The following HDAC8 variants were observed in gnomAD, a reference collection of about 807,000 sequenced individuals.
HDAC8 encodes the protein histone deacetylase-like 1.
Under a neutral mutation model 32.2 loss-of-function variants are expected in HDAC8, and 1 was observed. The observed-to-expected ratio is 0.03, with a 90% confidence interval of 0.01 to 0.15. HDAC8 has a LOEUF of 0.15. Ranked by LOEUF, HDAC8 falls within the 10% of genes least tolerant of loss-of-function variation. HDAC8 has a pLI of 1.00. For missense variants in HDAC8, 117 were observed against 300.0 expected, an observed-to-expected ratio of 0.39 and a Z score of 4.51; for synonymous variants, 108 against 113.9, an observed-to-expected ratio of 0.95 and a Z score of 0.33.
At chrX:72,415,249 A>G (rs2046301372) in intron 9 of HDAC8, among the ~76,000 whole-genome samples, 2 of 112,023 alleles carry the variant, frequency 1.8e-5, no homozygotes, top group Non-Finnish European at 3.8e-5. Flanking sequence ...AGTTGGCCGT[A>G]TTTGTGTGGG....
chrX:72,355,940 T>C (rs1408862451), intron 9 of HDAC8, among the ~76,000 whole-genome samples: 2 of 112,090 alleles, frequency 1.8e-5, no homozygotes, highest in Non-Finnish European at 3.8e-5. Flanking sequence ...ATAGGAGGGA[T>C]TATTATAGAG....
chrX:72,480,639 A>G (rs1000295194), intron 7 of HDAC8, among the ~76,000 whole-genome samples: 1 of 112,428 alleles, frequency 8.9e-6, no homozygotes, highest in Non-Finnish European at 1.9e-5. Flanking sequence ...ACAATAGCAG[A>G]CTTGGAACCA....
At chrX:72,465,610 G>T (rs184184954) in intron 7 of HDAC8, among the ~76,000 whole-genome samples, 44 of 111,323 alleles carry the variant, frequency 4.0e-4, no homozygotes, top group Admixed American at 1.4e-3. Flanking sequence ...ATATATACCA[G>T]CCCTCAAGGG....
intron 9 of HDAC8, among the ~76,000 whole-genome samples, chrX:72,401,655 G>A (rs1379492250): frequency 8.9e-6 from 1 of 112,023 alleles, no homozygotes; most frequent in Non-Finnish European, 1.9e-5. Flanking sequence ...GCCCTTGTTG[G>A]CCATTTGTAT....
At chrX:72,509,854 G>A (rs2049521730) in intron 4 of HDAC8, among the ~76,000 whole-genome samples, 1 of 110,773 alleles carries the variant, frequency 9.0e-6, no homozygotes, top group Non-Finnish European at 1.9e-5. Flanking sequence ...AATTTTCACA[G>A]TTTTCCCTTA....
chrX:72,477,358 A>G (rs963914909), intron 7 of HDAC8, among the ~76,000 whole-genome samples: 5 of 112,174 alleles, frequency 4.5e-5, no homozygotes, highest in Non-Finnish European at 9.4e-5. Flanking sequence ...TCTGTTTCTC[A>G]TTTCCTAATC....
At chrX:72,336,605 A>G (rs2043691172) in intron 10 of HDAC8, among the ~76,000 whole-genome samples, 1 of 110,928 alleles carries the variant, frequency 9.0e-6, no homozygotes, top group Non-Finnish European at 1.9e-5. Flanking sequence ...TTTTGTAGAG[A>G]TGGGGTCTTG....
chrX:72,506,748 G>A (rs782763004), intron 4 of HDAC8, among the ~76,000 whole-genome samples: 2 of 111,635 alleles, frequency 1.8e-5, no homozygotes, highest in South Asian at 7.6e-4. Flanking sequence ...CTCCATGAGT[G>A]GTGCTGCAAA....
intron 7 of HDAC8, among the ~76,000 whole-genome samples, chrX:72,478,037 C>T (rs1488321406): frequency 1.8e-5 from 2 of 112,587 alleles, no homozygotes; most frequent in Admixed American, 1.9e-4. Context: ...CACAGGGAAG[C>T]GATTCATTCT....
intron 7 of HDAC8, among the ~76,000 whole-genome samples, chrX:72,466,186 AAGG>A (rs1199327628): frequency 5.4e-5 from 6 of 111,327 alleles, no homozygotes; most frequent in Non-Finnish European, 1.1e-4. Context: ...TTTCTAGCTT[AAGG>A]AGGAGGAGGG....
intron 8 of HDAC8, among the ~76,000 whole-genome samples, chrX:72,464,245 T>C (rs2047948933): frequency 8.9e-6 from 1 of 112,113 alleles, no homozygotes; most frequent in East Asian, 2.8e-4. Flanking sequence ...AGAAGGTGGA[T>C]CAAAGTCTAC....
intron 4 of HDAC8, among the ~76,000 whole-genome samples, chrX:72,554,757 T>C (rs2051224906): frequency 9.0e-6 from 1 of 111,471 alleles, no homozygotes; most frequent in South Asian, 3.8e-4. Flanking sequence ...GACACACACC[T>C]ACCCCTGCCT....
At chrX:72,550,572 C>G (rs2051032285) in intron 4 of HDAC8, among the ~76,000 whole-genome samples, 1 of 110,113 alleles carries the variant, frequency 9.1e-6, no homozygotes, top group Non-Finnish European at 1.9e-5. Flanking sequence ...CACCCCAGAA[C>G]AAGTTTCACG....
chrX:72,435,793 T>A (rs894742022), intron 9 of HDAC8, among the ~76,000 whole-genome samples: 4 of 110,190 alleles, frequency 3.6e-5, no homozygotes, highest in Non-Finnish European at 7.6e-5. Flanking sequence ...CATGGTGAAA[T>A]CCTGTCTCTA....
chrX:72,396,761 G>A (rs1364215223), intron 9 of HDAC8, among the ~76,000 whole-genome samples: 1 of 110,611 alleles, frequency 9.0e-6, no homozygotes, highest in Non-Finnish European at 1.9e-5. Context: ...AGCTACTTGG[G>A]AGGTTGAGGT....
At chrX:72,489,979 G>A (rs782706465) in intron 6 of HDAC8, among the ~76,000 whole-genome samples, 23 of 111,989 alleles carry the variant, frequency 2.1e-4, no homozygotes, top group African/African-American at 7.1e-4. Flanking sequence ...AGACATTTAT[G>A]CAGCCAAAAA....
At chrX:72,338,640 GATATATATAT>G (rs10632029) in intron 10 of HDAC8, among the ~76,000 whole-genome samples, 3 of 91,736 alleles carry the variant, frequency 3.3e-5, no homozygotes, top group African/African-American at 1.2e-4. Context: ...TAGTCACCTT[GATATATATAT>G]ATATATTTAT....
At chrX:72,399,857 TGA>T (rs1199841676) in intron 9 of HDAC8, among the ~76,000 whole-genome samples, 7 of 112,671 alleles carry the variant, frequency 6.2e-5, no homozygotes, top group African/African-American at 2.3e-4. Flanking sequence ...TGTATAGAAA[TGA>T]GACTTATCTC....
chrX:72,448,857 C>T (rs1273949505), intron 9 of HDAC8, among the ~76,000 whole-genome samples: 2 of 112,410 alleles, frequency 1.8e-5, no homozygotes, highest in Non-Finnish European at 3.8e-5. Context: ...TAGAGAAATG[C>T]AAATCAAAAC....
Sources: gnomAD v4.1 joint callset for allele counts (sites outside exome capture counted in the v4.1 genomes callset) on GRCh38, gnomAD v4.1.1 for gene constraint, MANE v1.5 for transcripts, NCBI Gene and HGNC (gene_info 2026-07-23, HGNC 2026-07-21) for gene names.